The following PTPN13 variants were observed in gnomAD, a reference collection of about 807,000 sequenced individuals.
PTPN13 encodes tyrosine-protein phosphatase non-receptor type 13.
In PTPN13, 191 loss-of-function variants were observed where a neutral mutation model predicts 284.0. That is an observed-to-expected ratio of 0.67 (90% CI 0.60 to 0.76). The LOEUF is 0.76. PTPN13 is among the 30% of genes least tolerant of loss of function. The probability of loss-of-function intolerance (pLI) is 0.00; values close to 1 mark genes in which losing one functional copy is unlikely to be tolerated. For missense variants in PTPN13, 2,797 were observed against 2,939.9 expected (o/e 0.95, Z 1.12); for synonymous variants, 986 against 1,022.3 (o/e 0.96, Z 0.68).
chr4:86,667,301 T>C (rs1727195444), intron 2 of PTPN13, among the ~76,000 whole-genome samples: 1 of 152,222 alleles, frequency 6.6e-6, no homozygotes, highest in African/African-American at 2.4e-5. Context: ...AAAGAGACTA[T>C]GATTATCAAT....
At chr4:86,611,922 A>G (rs776863749) in intron 1 of PTPN13, among the ~76,000 whole-genome samples, 1 of 152,334 alleles carries the variant, frequency 6.6e-6, no homozygotes, top group Non-Finnish European at 1.5e-5. Flanking sequence ...AAAAGGATTC[A>G]AAGAAACCGT....
intron 17 of PTPN13, among the ~76,000 whole-genome samples, chr4:86,747,722 A>G (rs1488048158): frequency 6.6e-6 from 1 of 152,222 alleles, no homozygotes; most frequent in East Asian, 1.9e-4. Context: ...CACAACAGCT[A>G]TGTATCCTTG....
intron 1 of PTPN13, among the ~76,000 whole-genome samples, chr4:86,604,791 CTA>C (rs1268637963): frequency 3.3e-5 from 5 of 151,768 alleles, no homozygotes; most frequent in African/African-American, 1.2e-4. Flanking sequence ...TTTGACCACT[CTA>C]TGTTCAGAAT....
In PTPN13 at chr4:86,782,201, G is replaced by A; in HGVS notation, c.5963G>A (p.Gly1988Asp). The part of the protein sequence containing the change: ...VSAPKSTKGN[G>D]SYSVGSCSQP... Reference sequence around the variant, plus strand: ...CTTACTTCCTATATTGTCCTTTCAGGTTCCTACAGTGTGGGGTCTTGCAGC... The same window carrying A: ...CTTACTTCCTATATTGTCCTTTCAGATTCCTACAGTGTGGGGTCTTGCAGC... The change falls in exon 37 of 48, where the codon GGT becomes GAT. Residue 1988 changes from glycine (G) to aspartate (D), a missense_variant and splice_region_variant. Physicochemically the swap from Gly to Asp is moderately conservative, Grantham distance 94. Coordinates refer to ENST00000411767, the MANE Select transcript of PTPN13 (RefSeq NM_080683.3). The A allele has an allele frequency of 1.2e-6, 2 of 1,600,418 alleles. No individual in the cohort carries two copies. Among genetic ancestry groups the A allele is most frequent in the African/African-American group, 2.7e-5 (2 of 74,630 alleles).
chr4:86,730,396 A>C (rs1276507273), intron 10 of PTPN13, among the ~76,000 whole-genome samples: 1 of 149,824 alleles, frequency 6.7e-6, no homozygotes, highest in Non-Finnish European at 1.5e-5. Flanking sequence ...TTGTTCAGCT[A>C]TGCCCTGGCC....
intron 42 of PTPN13, among the ~76,000 whole-genome samples, chr4:86,802,599 AG>A (rs1208075787): frequency 6.6e-6 from 1 of 152,288 alleles, no homozygotes; most frequent in African/African-American, 2.4e-5. Flanking sequence ...GGAGTGTGCT[AG>A]GGCTGACTTT....
At chr4:86,633,454 G>T (rs1047214652) in intron 1 of PTPN13, among the ~76,000 whole-genome samples, 1 of 152,094 alleles carries the variant, frequency 6.6e-6, no homozygotes, top group Non-Finnish European at 1.5e-5. Context: ...GACTCCCAGG[G>T]GTCCCATTAA....
chr4:86,775,674 G>A lies in PTPN13; in HGVS notation c.5891+22G>A, dbSNP rs765598655. ...CAAGGTACTCTGCAATTATTTATGAGTTTTGATTGTGCGTGTGTGTGCATT... is the reference window on the plus strand; with the variant it reads ...CAAGGTACTCTGCAATTATTTATGAATTTTGATTGTGCGTGTGTGTGCATT... On this transcript the variant is annotated intron_variant, in intron 35 of 47. Coordinates refer to ENST00000411767, the MANE Select transcript of PTPN13 (RefSeq NM_080683.3). 1.0e-5 allele frequency: 16 copies of A among 1,567,002 alleles called. No homozygotes were observed. The East Asian group carries it at 3.4e-4, about 33-fold the overall frequency.
At chr4:86,784,348 A>C in intron 37 of PTPN13, 117 bp from the exon 38 acceptor site, 2 of 645,626 alleles carry the variant, frequency 3.1e-6, no homozygotes, top group Non-Finnish European at 5.3e-6. Context: ...TCTAAGGTGG[A>C]GAGATGTAAA....
At chr4:86,597,450 T>C (rs963250298) in intron 1 of PTPN13, among the ~76,000 whole-genome samples, 1 of 152,174 alleles carries the variant, frequency 6.6e-6, no homozygotes, top group African/African-American at 2.4e-5. Flanking sequence ...TCTCGCTGTA[T>C]TGACCAAGGC....
rs865805801 is a variant in PTPN13 at position 86,785,875 on chromosome 4, C to T, written c.6284C>T (p.Ser2095Leu). Residue 2095 changes from serine to leucine, a missense_variant, in exon 40 of 48, where the codon TCA (serine) becomes TTA (leucine). Transcript: ENST00000411767. ...ACATTAAAGATGAATGGGAAGTTAT[C>T]AGAAGAGAGAACAGAAGATACAGAC... is the stretch of plus-strand genomic sequence containing the variant. ...PGTLKMNGKLSEERTEDTDCD... is the reference protein window; with the variant it reads ...PGTLKMNGKLLEERTEDTDCD... 2 of 1,566,822 alleles carry T rather than the reference C, an allele frequency of 1.3e-6. No individual in the cohort carries two copies. The highest frequency in any genetic ancestry group is 2.3e-5 in the East Asian group (1 of 43,152).
chr4:86,735,547 T>G, intron 14 of PTPN13, 47 bp from the exon 15 acceptor site: 1 of 1,589,694 alleles, frequency 6.3e-7, no homozygotes. Flanking sequence ...AAGGGTTTAC[T>G]CCAATAAAAG....
intron 6 of PTPN13, among the ~76,000 whole-genome samples, chr4:86,696,058 T>A (rs184441321): frequency 2.8e-4 from 43 of 152,076 alleles, no homozygotes; most frequent in African/African-American, 9.6e-4. Context: ...AGAGGCTTAA[T>A]GTTTCAGAAA....
At chr4:86,621,863 C>CTTT (rs1721291499) in intron 1 of PTPN13, among the ~76,000 whole-genome samples, 1 of 151,806 alleles carries the variant, frequency 6.6e-6, no homozygotes, top group Admixed American at 6.6e-5. Flanking sequence ...TTGTCTCTTC[C>CTTT]TTTTGCTCCC....
chr4:86,734,779 A>G lies in PTPN13; in HGVS notation c.2055A>G (p.Lys685=), dbSNP rs767246112. The change falls in exon 14 of 48, where the codon AAA becomes AAG. Residue 685 remains lysine, a synonymous_variant. Coordinates refer to ENST00000411767, the MANE Select transcript of PTPN13 (RefSeq NM_080683.3). The stretch of plus-strand genomic sequence containing the variant: ...ATCAGTATTACCTTCAGCTTCGAAA[A>G]GATATTTTGGAGGAAAGGATGCACT... ...TCHQYYLQLR[K]DILEERMHCD... is the part of the protein sequence containing the mutation. The G allele has an allele frequency of 4.3e-6, 7 of 1,613,290 alleles. No individual in the cohort carries two copies. In the Admixed American group the frequency reaches 1.0e-4, roughly 23 times the overall value.
chr4:86,758,831 G>C, intron 22 of PTPN13, 46 bp downstream of exon 22: 1 of 1,594,620 alleles, frequency 6.3e-7, no homozygotes, highest in Non-Finnish European at 8.6e-7. Flanking sequence ...TGACAGGCAT[G>C]AATTTAGGAA....
intron 10 of PTPN13, among the ~76,000 whole-genome samples, chr4:86,731,704 T>C (rs948471798): frequency 3.3e-5 from 5 of 152,180 alleles, no homozygotes; most frequent in African/African-American, 1.2e-4. Flanking sequence ...AGTGTAGTGG[T>C]GTGATTATAG....
At chr4:86,611,670 G>C (rs28529445) in intron 1 of PTPN13, among the ~76,000 whole-genome samples, 25,452 of 152,112 alleles carry the variant, frequency 0.17, 2,450 homozygotes, top group East Asian at 0.3. Context: ...AGAGTTTCCA[G>C]GCTGCGGCAT....
At chr4:86,649,476 A>G (rs972140150) in intron 2 of PTPN13, among the ~76,000 whole-genome samples, 3 of 152,170 alleles carry the variant, frequency 2.0e-5, no homozygotes, top group African/African-American at 7.2e-5. Context: ...ATCATTTATG[A>G]AGAGACTGTC....
Sources: allele counts gnomAD v4.1 joint callset (sites outside exome capture counted in the v4.1 genomes callset), GRCh38; gene constraint gnomAD v4.1.1; transcripts MANE v1.5; gene names NCBI Gene and HGNC (gene_info 2026-07-23, HGNC 2026-07-21).